The following USP30 variants were observed in gnomAD, a reference collection of about 807,000 sequenced individuals.
USP30 encodes ubiquitin specific peptidase 30, also known as ubiquitin carboxyl-terminal hydrolase 30.
Under a neutral mutation model 68.2 loss-of-function variants are expected in USP30, and 41 were observed. The observed-to-expected ratio is 0.60, with a 90% CI of 0.47 to 0.78. The LOEUF (loss-of-function observed/expected upper bound fraction) is 0.78. Among genes scored for constraint, USP30 ranks in the 30% least tolerant of loss-of-function variants. The pLI is 0.00. For missense variants in USP30, 522 were observed against 649.4 expected (o/e 0.80, Z 2.13); for synonymous variants, 229 against 253.7 (o/e 0.90, Z 0.93).
rs1436944786 is a variant in USP30 at position 109,070,981 on chromosome 12, C to T, written c.481-631C>T. On this transcript the variant is annotated intron_variant, in intron 4 of 12. Coordinates refer to ENST00000257548, the MANE Select transcript of USP30 (RefSeq NM_032663.5). This position sits in a 1 kb window ranked among gnomAD's most constrained non-coding sequence, Gnocchi z 4.0. ...AAGGAAATTCTGCAGTATGCTACAACATAGGTGAAGCTTGAAGACGTTATG... is the reference window on the plus strand; with the variant it reads ...AAGGAAATTCTGCAGTATGCTACAATATAGGTGAAGCTTGAAGACGTTATG... 1.3e-5 allele frequency among the ~76,000 whole-genome samples: 2 copies of T among 152,182 alleles called. No homozygotes were observed. Among genetic ancestry groups the T allele is most frequent in the African/African-American group, 4.8e-5 (2 of 41,442 alleles).
At chr12:109,035,922 G>A (rs2040515805) in intron 3 of USP30, among the ~76,000 whole-genome samples, 1 of 152,134 alleles carries the variant, frequency 6.6e-6, no homozygotes, top group Non-Finnish European at 1.5e-5. Flanking sequence ...TAGCACTTTG[G>A]GAGGCCTAGG....
At chr12:109,079,535 T>G (rs548384831) in intron 7 of USP30, among the ~76,000 whole-genome samples, 94 of 151,690 alleles carry the variant, frequency 6.2e-4, no homozygotes. Context: ...AGCTAATTTT[T>G]TTTTATTTTT....
At chr12:109,047,738 G>A (rs1169906676), upstream of USP30, 1 of 152,210 alleles carries the variant, frequency 6.6e-6, no homozygotes, top group Admixed American at 6.6e-5. Flanking sequence ...TTAAAGAGAG[G>A]GTACTTTGGG....
At chr12:109,079,440 T>C (rs2041732750) in intron 7 of USP30, among the ~76,000 whole-genome samples, 2 of 135,290 alleles carry the variant, frequency 1.5e-5, no homozygotes, top group Non-Finnish European at 3.1e-5. Context: ...CATAGCTCAC[T>C]GCAGCCTCAA....
chr12:109,023,478 C>T (rs1393930658), intron 1 of USP30, among the ~76,000 whole-genome samples: 1 of 151,992 alleles, frequency 6.6e-6, no homozygotes, highest in African/African-American at 2.4e-5. Context: ...TCGCTTGAAG[C>T]CAGGAAGCAG....
chr12:109,023,511 C>T (rs977669663), intron 1 of USP30, among the ~76,000 whole-genome samples: 9 of 151,908 alleles, frequency 5.9e-5, no homozygotes, highest in Non-Finnish European at 5.9e-5. Flanking sequence ...GCTGAGATCG[C>T]GCCACTGCAC....
intron 3 of USP30, among the ~76,000 whole-genome samples, chr12:109,066,375 T>C (rs1474249015): frequency 6.6e-6 from 1 of 152,022 alleles, no homozygotes; most frequent in Non-Finnish European, 1.5e-5. Context: ...TAGGCCTGAT[T>C]CTACCTGTGA....
intron 12 of USP30, 126 bp from the exon 13 acceptor site, chr12:109,085,541 T>C: frequency 8.9e-7 from 1 of 1,126,874 alleles, no homozygotes; most frequent in South Asian, 1.5e-5. Context: ...AATAGTTGTG[T>C]AGCATTTGGT....
chr12:109,047,480 A>C (rs1157846099), intron 3 of USP30: 1 of 152,234 alleles, frequency 6.6e-6, no homozygotes, highest in Non-Finnish European at 1.5e-5. Context: ...TGAGGAAAAA[A>C]TAAACAGAAA....
At chr12:109,050,714 C>CA (rs1163247018), upstream of USP30, among the ~76,000 whole-genome samples, 1 of 151,856 alleles carries the variant, frequency 6.6e-6, no homozygotes, top group Non-Finnish European at 1.5e-5. Flanking sequence ...TACCAAAAAA[C>CA]AAAAAAATAA....
At chr12:109,033,512 T>C (rs2040496916) in intron 3 of USP30, among the ~76,000 whole-genome samples, 2 of 152,314 alleles carry the variant, frequency 1.3e-5, no homozygotes, top group South Asian at 4.1e-4. Context: ...TAATATAGCC[T>C]TGGAGCAATG....
chr12:109,078,352 A>G (rs937190500), intron 7 of USP30, among the ~76,000 whole-genome samples: 1 of 151,708 alleles, frequency 6.6e-6, no homozygotes, highest in Non-Finnish European at 1.5e-5. Context: ...TGAACCCAGG[A>G]GGCCGATGTT....
intron 11 of USP30, among the ~76,000 whole-genome samples, chr12:109,084,443 G>A (rs2135835388): frequency 6.6e-6 from 1 of 152,266 alleles, no homozygotes; most frequent in East Asian, 1.9e-4. Flanking sequence ...GAGGAGTTTT[G>A]CCTCCCAAGG....
At chr12:109,025,293 C>G (rs2040436768) in intron 2 of USP30, among the ~76,000 whole-genome samples, 1 of 151,970 alleles carries the variant, frequency 6.6e-6, no homozygotes, top group African/African-American at 2.4e-5. Context: ...CCTGATAAAT[C>G]CCTTCATGTA....
intron 3 of USP30, among the ~76,000 whole-genome samples, chr12:109,028,726 C>T (rs2040461810): frequency 6.6e-6 from 1 of 152,132 alleles, no homozygotes; most frequent in South Asian, 2.1e-4. Context: ...ATCCACCCCC[C>T]TCAGCCTCCC....
intron 1 of USP30, among the ~76,000 whole-genome samples, chr12:109,023,628 CTTT>C (rs1179349331): frequency 6.9e-5 from 5 of 72,704 alleles, no homozygotes; most frequent in Non-Finnish European, 9.8e-5. Context: ...TTAATCAGGA[CTTT>C]TTTTTTTTTT....
At chr12:109,027,820 C>G (rs1197720191) in intron 3 of USP30, among the ~76,000 whole-genome samples, 1 of 152,108 alleles carries the variant, frequency 6.6e-6, no homozygotes, top group African/African-American at 2.4e-5. Context: ...TTGTTTCCAC[C>G]TTTTTGGCTA....
At chr12:109,079,524 C>A (rs986316837) in intron 7 of USP30, among the ~76,000 whole-genome samples, 12 of 151,490 alleles carry the variant, frequency 7.9e-5, no homozygotes, top group Admixed American at 6.6e-4. Flanking sequence ...CCACCACACC[C>A]AGCTAATTTT....
chr12:109,038,815 G>A (rs906411079), intron 3 of USP30, among the ~76,000 whole-genome samples: 10 of 152,156 alleles, frequency 6.6e-5, no homozygotes, highest in African/African-American at 2.4e-4. Context: ...TAATGGGTGT[G>A]TGGTGGTATT....
Sources: gnomAD v4.1 joint callset for allele counts (sites outside exome capture counted in the v4.1 genomes callset) on GRCh38, gnomAD v4.1.1 for gene constraint, Gnocchi (gnomAD v3.1) non-coding constraint, MANE v1.5 for transcripts, NCBI Gene and HGNC (gene_info 2026-07-23, HGNC 2026-07-21) for gene names.